MSI2: variants seen among roughly 807,000 people sequenced by gnomAD.
MSI2 encodes RNA-binding protein Musashi homolog 2.
MSI2 carries 17 observed loss-of-function variants against 45.6 expected under a neutral mutation model. That is an observed-to-expected ratio of 0.37 (90% confidence interval 0.26 to 0.56). MSI2 has a LOEUF of 0.56. Among genes scored for constraint, MSI2 ranks in the 20% least tolerant of loss-of-function variants. The pLI, the probability that MSI2 is intolerant of heterozygous loss-of-function variation, is 0.77. For missense variants in MSI2, 293 were observed against 444.2 expected (o/e 0.66, Z 3.06); for synonymous variants, 156 against 158.2 (o/e 0.99, Z 0.11).
At chr17:57,378,062 G>A (rs1159111931) in intron 5 of MSI2, among the ~76,000 whole-genome samples, 19 of 146,780 alleles carry the variant, frequency 1.3e-4, no homozygotes, top group East Asian at 8.0e-4. Flanking sequence ...GTGACAGAGC[G>A]AGACATCATC....
At chr17:57,582,578 T>C (rs2088234367) in intron 7 of MSI2, among the ~76,000 whole-genome samples, 1 of 152,184 alleles carries the variant, frequency 6.6e-6, no homozygotes, top group South Asian at 2.1e-4. Flanking sequence ...CTGGCATAAC[T>C]GAAAAATACA....
intron 10 of MSI2, among the ~76,000 whole-genome samples, chr17:57,641,886 GA>G (rs1363260198): frequency 6.6e-6 from 1 of 152,230 alleles, no homozygotes; most frequent in African/African-American, 2.4e-5. Context: ...GCTGGCTTCA[GA>G]ATAAACTCCA....
At chr17:57,503,973 A>G (rs989722064) in intron 6 of MSI2, among the ~76,000 whole-genome samples, 3 of 152,104 alleles carry the variant, frequency 2.0e-5, no homozygotes, top group Non-Finnish European at 2.9e-5. Flanking sequence ...TGACCTCATG[A>G]TCTGCCCGCC....
intron 7 of MSI2, among the ~76,000 whole-genome samples, chr17:57,593,901 G>A (rs937221338): frequency 1.3e-5 from 2 of 152,158 alleles, no homozygotes; most frequent in South Asian, 2.1e-4. Context: ...CCTCTGACTC[G>A]TGCCTGTTCG....
intron 5 of MSI2, among the ~76,000 whole-genome samples, chr17:57,297,617 T>G (rs1370314881): frequency 6.6e-6 from 1 of 152,228 alleles, no homozygotes. Flanking sequence ...TTTGCTACAT[T>G]GATTGACTCT....
chr17:57,285,863 A>AT (rs1464351501), intron 5 of MSI2: 9 of 1,512,802 alleles, frequency 5.9e-6, no homozygotes, highest in South Asian at 1.3e-5. Flanking sequence ...TGTAGTTCTG[A>AT]TTTTCCGAAC....
At chr17:57,496,442 C>T (rs550529773) in intron 6 of MSI2, among the ~76,000 whole-genome samples, 26 of 140,900 alleles carry the variant, frequency 1.8e-4, no homozygotes, top group African/African-American at 7.1e-4. Context: ...TGAACGGTCT[C>T]ATACACTGAT....
At chr17:57,695,063 T>A in the MSI2 span, among the ~76,000 whole-genome samples, 1 of 152,224 alleles carries the variant, frequency 6.6e-6, no homozygotes, top group Non-Finnish European at 1.5e-5. Flanking sequence ...CAGCATGTCA[T>A]AGCTGAAAAA....
intron 6 of MSI2, among the ~76,000 whole-genome samples, chr17:57,511,355 A>G (rs557594189): frequency 6.6e-6 from 1 of 152,296 alleles, no homozygotes; most frequent in Admixed American, 6.5e-5. Context: ...CACCCGCTCA[A>G]ATATATTGAG....
At chr17:57,568,731 T>G (rs114994813) in intron 7 of MSI2, among the ~76,000 whole-genome samples, 1 of 152,348 alleles carries the variant, frequency 6.6e-6, no homozygotes, top group South Asian at 2.1e-4. Context: ...TTCCTTCATG[T>G]TAAAATTGCC....
intron 6 of MSI2, among the ~76,000 whole-genome samples, chr17:57,511,670 G>A (rs2086359541): frequency 1.3e-5 from 2 of 152,168 alleles, no homozygotes; most frequent in African/African-American, 4.8e-5. Context: ...CAGCAGGGTT[G>A]ATTAAGCCCC....
chr17:57,546,567 A>T (rs745434469), intron 7 of MSI2, among the ~76,000 whole-genome samples: 2 of 152,220 alleles, frequency 1.3e-5, no homozygotes, highest in Non-Finnish European at 2.9e-5. Context: ...TTCAAATCCA[A>T]GAATGCCCTT....
chr17:57,526,408 T>TGA (rs1555618762), intron 6 of MSI2, among the ~76,000 whole-genome samples: 14 of 118,594 alleles, frequency 1.2e-4, no homozygotes, highest in East Asian at 7.5e-4. Flanking sequence ...TGTGTGTGTG[T>TGA]GACAGAGAGA....
intron 6 of MSI2, among the ~76,000 whole-genome samples, chr17:57,481,074 G>A (rs2085638548): frequency 6.6e-6 from 1 of 152,140 alleles, no homozygotes; most frequent in Non-Finnish European, 1.5e-5. Flanking sequence ...TTTCCTCTGG[G>A]TTCATGGTAA....
At chr17:57,524,421 T>G (rs1240377337) in intron 6 of MSI2, among the ~76,000 whole-genome samples, 1 of 152,246 alleles carries the variant, frequency 6.6e-6, no homozygotes, top group Non-Finnish European at 1.5e-5. Flanking sequence ...GTTTTGCAAA[T>G]AGCGAATGCC....
chr17:57,556,351 T>C (rs563043981), intron 7 of MSI2, among the ~76,000 whole-genome samples: 1 of 152,364 alleles, frequency 6.6e-6, no homozygotes, highest in East Asian at 1.9e-4. Flanking sequence ...TCATTTCCCC[T>C]TCCTCCAGGA....
chr17:57,325,026 T>C lies in MSI2; in HGVS notation c.312+62834T>C, dbSNP rs535152877. Among the ~76,000 whole-genome samples the C allele has an allele frequency of 1.3e-5, 2 of 152,336 alleles. 1 individual carries two copies. Among genetic ancestry groups the C allele is most frequent in the South Asian group, 4.1e-4 (2 of 4,826 alleles). ...TACATCAGAAAGTGGTATCTACCTATGTTTATCACAGCACAGTTCCCAGTT... is the reference window on the plus strand; with the variant it reads ...TACATCAGAAAGTGGTATCTACCTACGTTTATCACAGCACAGTTCCCAGTT... On this transcript the variant is annotated intron_variant, in intron 5 of 13. Coordinates refer to ENST00000284073, the MANE Select transcript of MSI2 (RefSeq NM_138962.4).
intron 6 of MSI2, among the ~76,000 whole-genome samples, chr17:57,410,947 G>A (rs2084184719): frequency 6.6e-6 from 1 of 152,134 alleles, no homozygotes; most frequent in Non-Finnish European, 1.5e-5. Context: ...TAGTTTGCAA[G>A]GGAGCTTGCA....
At chr17:57,664,102 A>G (rs901175686) in intron 11 of MSI2, among the ~76,000 whole-genome samples, 1 of 152,164 alleles carries the variant, frequency 6.6e-6, no homozygotes, top group Non-Finnish European at 1.5e-5. Context: ...CTAAACGAGG[A>G]ATTCAGACTA....
Sources: gnomAD v4.1 joint callset for allele counts (sites outside exome capture counted in the v4.1 genomes callset) on GRCh38, gnomAD v4.1.1 for gene constraint, MANE v1.5 for transcripts, NCBI Gene and HGNC (gene_info 2026-07-23, HGNC 2026-07-21) for gene names.